The following DLG2 variants were observed in gnomAD, a reference collection of about 807,000 sequenced individuals.
DLG2 encodes discs large MAGUK scaffold protein 2.
A neutral mutation model predicts 132.5 loss-of-function variants in DLG2; 45 were observed. That is an observed-to-expected ratio of 0.34 (90% confidence interval 0.27 to 0.44). The LOEUF (loss-of-function observed/expected upper bound fraction) is 0.44. Among genes scored for constraint, DLG2 ranks in the 20% least tolerant of loss-of-function variants. The pLI is 1.00. For missense variants in DLG2, 1,045 were observed against 1,196.9 expected (o/e 0.87, Z 1.87); for synonymous variants, 424 against 419.6 (o/e 1.01, Z -0.13).
intron 6 of DLG2, among the ~76,000 whole-genome samples, chr11:85,069,098 T>C (rs2065377922): frequency 6.6e-6 from 1 of 151,574 alleles, no homozygotes; most frequent in South Asian, 2.1e-4. Context: ...TGGCTAGCCA[T>C]ATGGAGAAAG....
At chr11:84,068,873 G>T (rs1310047829) in intron 10 of DLG2, among the ~76,000 whole-genome samples, 1 of 152,126 alleles carries the variant, frequency 6.6e-6, no homozygotes, top group Non-Finnish European at 1.5e-5. Context: ...GTTGAAATAG[G>T]TTTGTAATGA....
At chr11:84,154,320 G>C (rs1001044387) in intron 9 of DLG2, among the ~76,000 whole-genome samples, 4 of 152,142 alleles carry the variant, frequency 2.6e-5, no homozygotes, top group East Asian at 1.9e-4. Context: ...AAATACAAAA[G>C]TAATACATGC....
intron 8 of DLG2, among the ~76,000 whole-genome samples, chr11:84,244,833 C>A (rs979325544): frequency 2.0e-5 from 3 of 152,156 alleles, no homozygotes; most frequent in Non-Finnish European, 2.9e-5. Context: ...TTAATCACTG[C>A]CAGGATGGTT....
intron 6 of DLG2, among the ~76,000 whole-genome samples, chr11:84,900,497 G>A (rs1227669): frequency 0.66 from 100,172 of 151,830 alleles, 34,371 homozygotes; most frequent in African/African-American, 0.87. Flanking sequence ...TCTATAAAAG[G>A]GATATATCCT....
intron 3 of DLG2, among the ~76,000 whole-genome samples, chr11:85,420,324 G>A (rs573638345): frequency 1.3e-5 from 2 of 152,136 alleles, no homozygotes; most frequent in South Asian, 4.2e-4. Context: ...CCAGAGGGGT[G>A]CCCACCAGAT....
intron 17 of DLG2, among the ~76,000 whole-genome samples, chr11:83,823,047 A>C (rs1365868029): frequency 6.6e-6 from 1 of 152,180 alleles, no homozygotes; most frequent in Non-Finnish European, 1.5e-5. Context: ...GGATCAAATG[A>C]GATAATCACA....
chr11:84,714,956 A>G (rs1237642998), intron 6 of DLG2, among the ~76,000 whole-genome samples: 1 of 150,366 alleles, frequency 6.7e-6, no homozygotes, highest in Non-Finnish European at 1.5e-5. Flanking sequence ...CCTTCCACTT[A>G]CTCTCCCTAT....
At chr11:83,532,669 A>G (rs749221131) in intron 21 of DLG2, 39 bp downstream of exon 21, 1 of 1,578,934 alleles carries the variant, frequency 6.3e-7, no homozygotes, top group Admixed American at 1.7e-5. Flanking sequence ...AATCCATGGC[A>G]ACTGAGAGAA....
intron 6 of DLG2, among the ~76,000 whole-genome samples, chr11:84,681,284 G>A (rs1168649905): frequency 6.6e-6 from 1 of 152,116 alleles, no homozygotes; most frequent in African/African-American, 2.4e-5. Context: ...CAAAGAATAT[G>A]TGCCCATCTC....
At chr11:83,628,977 TA>T (rs1317848577) in intron 19 of DLG2, among the ~76,000 whole-genome samples, 1 of 152,210 alleles carries the variant, frequency 6.6e-6, no homozygotes, top group African/African-American at 2.4e-5. Flanking sequence ...CTTTCTGTTT[TA>T]TGTGTATATG....
chr11:84,210,961 T>C (rs563123988), intron 8 of DLG2, among the ~76,000 whole-genome samples: 15 of 152,332 alleles, frequency 9.8e-5, no homozygotes, highest in Non-Finnish European at 2.1e-4. Flanking sequence ...CTTTAAGATC[T>C]GTGCATTTTG....
intron 6 of DLG2, among the ~76,000 whole-genome samples, chr11:84,891,857 G>C (rs1008527105): frequency 2.6e-5 from 4 of 152,096 alleles, no homozygotes; most frequent in African/African-American, 9.7e-5. Flanking sequence ...TGCCCTCAAA[G>C]AATCTATATT....
At chr11:84,231,617 A>G (rs1179475214) in intron 8 of DLG2, among the ~76,000 whole-genome samples, 1 of 152,314 alleles carries the variant, frequency 6.6e-6, no homozygotes, top group South Asian at 2.1e-4. Context: ...ATCATAGGGA[A>G]TATTGTGTGA....
chr11:85,037,246 G>A (rs569226030), intron 6 of DLG2, among the ~76,000 whole-genome samples: 1 of 152,282 alleles, frequency 6.6e-6, no homozygotes, highest in African/African-American at 2.4e-5. Flanking sequence ...ACAGTCTCCA[G>A]AATCTTGATG....
At chr11:84,467,336 G>A (rs929268462) in intron 7 of DLG2, among the ~76,000 whole-genome samples, 5 of 151,292 alleles carry the variant, frequency 3.3e-5, no homozygotes, top group Non-Finnish European at 5.9e-5. Context: ...TAAGAGAAAA[G>A]CAGTAAGTCA....
chr11:84,329,119 C>T (rs1472185372), intron 7 of DLG2, among the ~76,000 whole-genome samples: 2 of 152,316 alleles, frequency 1.3e-5, no homozygotes, highest in East Asian at 1.9e-4. Flanking sequence ...TATATAATTA[C>T]ATGTGGGCAC....
intron 6 of DLG2, among the ~76,000 whole-genome samples, chr11:84,912,500 T>C (rs551447209): frequency 2.6e-5 from 4 of 152,352 alleles, no homozygotes; most frequent in African/African-American, 9.6e-5. Context: ...CTTGCATATA[T>C]CTGGGGCTTT....
intron 5 of DLG2, among the ~76,000 whole-genome samples, chr11:85,134,105 C>T (rs1009479746): frequency 1.3e-5 from 2 of 151,950 alleles, no homozygotes; most frequent in East Asian, 3.9e-4. Context: ...CAATAAAAAT[C>T]GAAAATCAAT....
intron 7 of DLG2, among the ~76,000 whole-genome samples, chr11:84,284,229 T>C (rs1180879663): frequency 6.6e-6 from 1 of 152,172 alleles, no homozygotes; most frequent in Non-Finnish European, 1.5e-5. Flanking sequence ...AGTGAAACTC[T>C]GTCTCAAAAA....
Sources: gnomAD v4.1 joint callset for allele counts (sites outside exome capture counted in the v4.1 genomes callset) on GRCh38, gnomAD v4.1.1 for gene constraint, MANE v1.5 for transcripts, NCBI Gene and HGNC (gene_info 2026-07-23, HGNC 2026-07-21) for gene names.